The following PDGFD variants were observed in gnomAD, a reference collection of about 807,000 sequenced individuals.
PDGFD encodes platelet derived growth factor D.
PDGFD carries 30 observed loss-of-function variants against 44.7 expected under a neutral mutation model. The ratio of observed to expected loss-of-function variants is 0.67; its 90% confidence interval spans 0.50 to 0.91. The LOEUF (loss-of-function observed/expected upper bound fraction) is 0.91, where lower values mean the gene tolerates loss of function less well. Ranked by LOEUF, PDGFD falls within the 40% of genes least tolerant of loss-of-function variation. The pLI, the probability that PDGFD is intolerant of heterozygous loss-of-function variation, is 0.00. For synonymous variants in PDGFD, 173 were observed against 168.4 expected (o/e 1.03, Z -0.21); for missense variants, 445 against 457.8 (o/e 0.97, Z 0.25).
At chr11:104,027,961 CAGG>C (rs199735199) in intron 1 of PDGFD, among the ~76,000 whole-genome samples, 2,741 of 152,046 alleles carry the variant, frequency 0.018, 84 homozygotes, top group African/African-American at 0.062. Context: ...GAGAACGAGG[CAGG>C]AGGATCAAGA....
At chr11:103,962,804 T>C (rs750488508) in intron 3 of PDGFD, among the ~76,000 whole-genome samples, 12 of 152,170 alleles carry the variant, frequency 7.9e-5, no homozygotes, top group Non-Finnish European at 1.3e-4. Context: ...GAGGAGTAAA[T>C]TAGATAATTC....
Position 104,163,829 on chromosome 11 carries a change from C to A in PDGFD, c.99G>T (p.Leu33Phe). The change falls in exon 1 of 7, where the codon TTG becomes TTT. Residue 33 changes from leucine (L) to phenylalanine (F), a missense_variant. Coordinates refer to ENST00000393158, the MANE Select transcript of PDGFD (RefSeq NM_025208.5). ...ATPQSASIKALRNANLRRDES... is the reference protein window; with the variant it reads ...ATPQSASIKAFRNANLRRDES... ...CATCTCGCCTGAGGTTGGCGTTGCG[C>A]AAAGCTTTGATGGATGCGCTCTGCG... 1 of 1,554,524 alleles carries A rather than the reference C, an allele frequency of 6.4e-7. No individual in the cohort carries two copies. The highest frequency in any genetic ancestry group is 8.8e-7 in the Non-Finnish European group (1 of 1,138,312).
chr11:104,102,844 C>T (rs1475609080), intron 1 of PDGFD, among the ~76,000 whole-genome samples: 13 of 152,224 alleles, frequency 8.5e-5, no homozygotes, highest in South Asian at 2.1e-4. Flanking sequence ...AACCAAACAC[C>T]GCGTGTTCTC....
intron 1 of PDGFD, among the ~76,000 whole-genome samples, chr11:104,116,140 C>T (rs1367898411): frequency 2.6e-5 from 4 of 151,998 alleles, no homozygotes; most frequent in Admixed American, 1.3e-4. Context: ...CCAATGTTAT[C>T]TTCTAGAATT....
intron 5 of PDGFD, among the ~76,000 whole-genome samples, chr11:103,938,996 C>T (rs1266293520): frequency 2.0e-5 from 3 of 152,138 alleles, no homozygotes; most frequent in Non-Finnish European, 4.4e-5. Context: ...CATGATGCCT[C>T]CAGCTTTGTT....
chr11:103,940,156 C>T (rs1412688334), intron 5 of PDGFD, among the ~76,000 whole-genome samples: 2 of 152,034 alleles, frequency 1.3e-5, no homozygotes, highest in African/African-American at 2.4e-5. Flanking sequence ...ACCACCTCAC[C>T]TCCCTTCTAC....
At chr11:103,921,034 G>A (rs1360325683) in intron 6 of PDGFD, among the ~76,000 whole-genome samples, 4 of 152,178 alleles carry the variant, frequency 2.6e-5, no homozygotes, top group African/African-American at 9.7e-5. Context: ...GCCCTGGGAA[G>A]TTTTAAGTGG....
Position 103,996,054 on chromosome 11 carries a change from T to A in PDGFD, c.510+11A>T. 3.1e-6 allele frequency: 5 copies of A among 1,609,184 alleles called. No individual in the cohort carries two copies. The highest frequency in any genetic ancestry group is 4.2e-6 in the Non-Finnish European group (5 of 1,177,128). ...TGTCTGCTTTTAATCATAAAGTGGT[T>A]AAGTACTCACCAGCAAAGAATAATA... On this transcript the variant is annotated intron_variant, in intron 3 of 6. Transcript: ENST00000393158.
At chr11:104,140,561 T>G (rs920472073) in intron 1 of PDGFD, among the ~76,000 whole-genome samples, 1 of 152,138 alleles carries the variant, frequency 6.6e-6, no homozygotes, top group African/African-American at 2.4e-5. Flanking sequence ...GTCCCCCAAC[T>G]TTCCTTCAGG....
intron 3 of PDGFD, among the ~76,000 whole-genome samples, chr11:103,993,287 G>A (rs1291630215): frequency 6.6e-6 from 1 of 151,916 alleles, no homozygotes; most frequent in Non-Finnish European, 1.5e-5. Flanking sequence ...ATGTTGCCCA[G>A]GCTGGACTTA....
In PDGFD at chr11:104,009,832, C is replaced by G. The variant is rs376907980; in HGVS notation, c.125-9577G>C. 1.8e-4 allele frequency among the ~76,000 whole-genome samples: 27 copies of G among 152,226 alleles called. No homozygotes were observed. In the South Asian group the frequency reaches 5.6e-3, roughly 32 times the overall value. On this transcript the variant is annotated intron_variant, in intron 1 of 6. Coordinates refer to ENST00000393158, the MANE Select transcript of PDGFD (RefSeq NM_025208.5). ...GTTAGTTTAAAAATCAGCACGGAAG[C>G]TTTTTCAGCTTTTTCCCCCTAGTGT...
chr11:104,092,659 A>C (rs1861227899), intron 1 of PDGFD, among the ~76,000 whole-genome samples: 1 of 152,204 alleles, frequency 6.6e-6, no homozygotes, highest in South Asian at 2.1e-4. Flanking sequence ...ATAGAGTCAT[A>C]TCATGGGCAC....
chr11:104,014,679 C>G (rs930891931), intron 1 of PDGFD, among the ~76,000 whole-genome samples: 1 of 152,084 alleles, frequency 6.6e-6, no homozygotes, highest in Non-Finnish European at 1.5e-5. Context: ...TAAAAGCAAC[C>G]AATTTGTGAA....
At chr11:103,989,372 G>A (rs1201302135) in intron 3 of PDGFD, among the ~76,000 whole-genome samples, 1 of 152,186 alleles carries the variant, frequency 6.6e-6, no homozygotes, top group African/African-American at 2.4e-5. Context: ...CAGTATCCAT[G>A]GAAGTGCCTT....
intron 1 of PDGFD, among the ~76,000 whole-genome samples, chr11:104,156,046 T>G (rs149271598): frequency 1.9e-3 from 285 of 152,280 alleles, no homozygotes; most frequent in African/African-American, 6.6e-3. Flanking sequence ...AACAGTAGAT[T>G]TTAAGAGTTA....
chr11:103,998,837 A>T (rs1319053137), intron 2 of PDGFD, among the ~76,000 whole-genome samples: 1 of 152,302 alleles, frequency 6.6e-6, no homozygotes, highest in Middle Eastern at 3.4e-3. Flanking sequence ...TTGGAGGATT[A>T]ACTGCTGTGG....
chr11:103,924,470 CA>C (rs1025212307), intron 6 of PDGFD, among the ~76,000 whole-genome samples: 2 of 151,860 alleles, frequency 1.3e-5, no homozygotes, highest in African/African-American at 2.4e-5. Flanking sequence ...GATATGAGAA[CA>C]TTTTTTTTCC....
chr11:104,158,936 C>T (rs7942350), intron 1 of PDGFD, among the ~76,000 whole-genome samples: 30,431 of 151,580 alleles, frequency 0.2, 3,043 homozygotes, highest in Middle Eastern at 0.29. Flanking sequence ...GGGTGGATCA[C>T]GAGGTCAGGA....
At chr11:104,117,401 G>T (rs954553085) in intron 1 of PDGFD, among the ~76,000 whole-genome samples, 5 of 152,018 alleles carry the variant, frequency 3.3e-5, no homozygotes, top group Middle Eastern at 3.2e-3. Context: ...ACAAGAGAAA[G>T]AAATAAAGGG....
Sources: gnomAD v4.1 joint callset for allele counts (sites outside exome capture counted in the v4.1 genomes callset) on GRCh38, gnomAD v4.1.1 for gene constraint, MANE v1.5 for transcripts, NCBI Gene and HGNC (gene_info 2026-07-23, HGNC 2026-07-21) for gene names.